The following EVL variants were observed in gnomAD, a reference collection of about 807,000 sequenced individuals.
EVL encodes the protein Enah/Vasp-like, also known as ena/VASP-like protein.
EVL carries 21 observed loss-of-function variants against 59.6 expected under a neutral mutation model. The ratio of observed to expected loss-of-function variants is 0.35; its 90% CI spans 0.25 to 0.51. The LOEUF (loss-of-function observed/expected upper bound fraction) is 0.51, where lower values mean the gene tolerates loss of function less well. Among genes scored for constraint, EVL ranks in the 20% least tolerant of loss-of-function variants. The pLI is 0.97. For missense variants in EVL, 462 were observed against 546.6 expected (o/e 0.85, Z 1.54); for synonymous variants, 198 against 203.5 (o/e 0.97, Z 0.23).
chr14:100,135,487 T>G (rs1466620815), intron 8 of EVL: 1 of 171,492 alleles, frequency 5.8e-6, no homozygotes, highest in Non-Finnish European at 1.3e-5. Flanking sequence ...ACACGTCCAC[T>G]GTTCGAGCAC....
At chr14:100,032,673 TC>T (rs1185142924) in intron 1 of EVL, among the ~76,000 whole-genome samples, 1 of 152,160 alleles carries the variant, frequency 6.6e-6, no homozygotes. Flanking sequence ...TTTTTTTCTT[TC>T]CATGAAATCC....
intron 1 of EVL, among the ~76,000 whole-genome samples, chr14:99,975,321 C>T (rs1169143912): frequency 6.6e-6 from 1 of 152,136 alleles, no homozygotes; most frequent in Admixed American, 6.5e-5. Flanking sequence ...TATACTGTCC[C>T]TAGTATGGAT....
At chr14:100,015,910 A>G (rs1375579614) in intron 1 of EVL, among the ~76,000 whole-genome samples, 1 of 151,718 alleles carries the variant, frequency 6.6e-6, no homozygotes, top group African/African-American at 2.4e-5. Context: ...GTCTCTACTA[A>G]AAATAAAATA....
At chr14:100,100,002 GC>G (rs1351002210) in intron 3 of EVL, among the ~76,000 whole-genome samples, 8 of 10,292 alleles carry the variant, frequency 7.8e-4, no homozygotes, top group Admixed American at 7.1e-3. Context: ...TACCTTGGGG[GC>G]AAAAAAAAAA....
chr14:99,988,565 T>C (rs983774336), intron 1 of EVL, among the ~76,000 whole-genome samples: 3 of 152,216 alleles, frequency 2.0e-5, no homozygotes, highest in African/African-American at 4.8e-5. Flanking sequence ...CCCTATGACC[T>C]ATCAGTTCCA....
chr14:100,120,811 T>C (rs983202853), intron 3 of EVL, among the ~76,000 whole-genome samples: 1 of 152,082 alleles, frequency 6.6e-6, no homozygotes, highest in African/African-American at 2.4e-5. Flanking sequence ...AGACATCACT[T>C]AGGCCACACT....
chr14:100,072,757 G>A (rs1433740165), intron 1 of EVL, among the ~76,000 whole-genome samples: 1 of 152,218 alleles, frequency 6.6e-6, no homozygotes, highest in Non-Finnish European at 1.5e-5. Context: ...GTAAAAGAGT[G>A]TCCCTTACAT....
At chr14:100,015,419 C>T (rs2061042696) in intron 1 of EVL, among the ~76,000 whole-genome samples, 1 of 152,180 alleles carries the variant, frequency 6.6e-6, no homozygotes, top group African/African-American at 2.4e-5. Flanking sequence ...GTTTGTTTCT[C>T]CGGAGAAGTC....
intron 13 of EVL, chr14:100,142,124 T>A: frequency 4.8e-6 from 1 of 208,734 alleles, no homozygotes; most frequent in Non-Finnish European, 9.7e-6. Context: ...AGGAGCCACC[T>A]GAGCTGCTGT....
intron 8 of EVL, 24 bp from the exon 9 acceptor site, chr14:100,135,881 A>G: frequency 3.7e-6 from 6 of 1,613,648 alleles, no homozygotes; most frequent in Non-Finnish European, 4.2e-6. Flanking sequence ...CTTCCTAAAC[A>G]GACTCCCTTC....
chr14:100,125,253 T>TACACACACACAC (rs34556561), intron 4 of EVL, among the ~76,000 whole-genome samples: 2 of 119,564 alleles, frequency 1.7e-5, no homozygotes, highest in Non-Finnish European at 3.4e-5. Context: ...AAGGCAGGAA[T>TACACACACACAC]ACACACACAC....
intron 1 of EVL, among the ~76,000 whole-genome samples, chr14:100,011,818 G>A (rs2140193206): frequency 6.6e-6 from 1 of 152,276 alleles, no homozygotes; most frequent in Middle Eastern, 3.4e-3. Flanking sequence ...GATCTCAAAT[G>A]ACACAAAGTG....
chr14:100,069,300 A>T (rs2061999832), intron 1 of EVL, among the ~76,000 whole-genome samples: 1 of 152,206 alleles, frequency 6.6e-6, no homozygotes, highest in Non-Finnish European at 1.5e-5. Flanking sequence ...GTAGTGAAGG[A>T]GCTGTGGCTG....
intron 1 of EVL, among the ~76,000 whole-genome samples, chr14:100,034,216 C>T (rs1185719792): frequency 7.4e-6 from 1 of 135,804 alleles, no homozygotes; most frequent in Non-Finnish European, 1.5e-5. Flanking sequence ...GCCTGGGCAA[C>T]AGAGCTAGAA....
rs2060972354 is a variant in EVL, at chr14:100,005,464, G to A, written c.5+33407G>A. Among the ~76,000 whole-genome samples, 3 of 152,228 alleles carry A rather than the reference G, an allele frequency of 2.0e-5. No homozygotes were observed. In the South Asian group the frequency reaches 6.2e-4, roughly 32 times the overall value. ...TTTTGACACCTAATATTACTTGGCAGGGATAAGTATGTCCTGGTCCCTCAT... is the reference window on the plus strand; with the variant it reads ...TTTTGACACCTAATATTACTTGGCAAGGATAAGTATGTCCTGGTCCCTCAT... On this transcript the variant is annotated intron_variant, in intron 1 of 13. Coordinates refer to the EVL transcript ENST00000402714.
intron 1 of EVL, among the ~76,000 whole-genome samples, chr14:100,054,089 T>C (rs1299488165): frequency 1.5e-5 from 2 of 129,632 alleles, no homozygotes; most frequent in Non-Finnish European, 1.6e-5. Context: ...AGAATCTCAC[T>C]CTGTTGCCAG....
chr14:100,120,682 G>A (rs1887640084), intron 3 of EVL, among the ~76,000 whole-genome samples: 1 of 152,250 alleles, frequency 6.6e-6, no homozygotes, highest in South Asian at 2.1e-4. Context: ...CAGGAGGTCA[G>A]CTATGGAGGA....
exon 1 of EVL, chr14:99,971,988 C>CCGCGCCCCG (rs2060736189): frequency 1.4e-5 from 2 of 147,776 alleles, no homozygotes; most frequent in South Asian, 1.8e-4. Context: ...CGTCCCGCGC[C>CCGCGCCCCG]CCGCCGCCGC....
intron 2 of EVL, among the ~76,000 whole-genome samples, chr14:100,091,127 G>A (rs889953835): frequency 2.0e-5 from 3 of 152,038 alleles, no homozygotes; most frequent in East Asian, 1.9e-4. Flanking sequence ...TTAGAATGTC[G>A]GCGTGCTGCC....
Sources: gnomAD v4.1 joint callset for allele counts (sites outside exome capture counted in the v4.1 genomes callset) on GRCh38, gnomAD v4.1.1 for gene constraint, MANE v1.5 for transcripts, NCBI Gene and HGNC (gene_info 2026-07-23, HGNC 2026-07-21) for gene names.